KLC1: variants seen among roughly 807,000 people sequenced by gnomAD.
KLC1 encodes the protein kinesin light chain 1.
A neutral mutation model predicts 84.2 loss-of-function variants in KLC1; 30 were observed. The ratio of observed to expected loss-of-function variants is 0.36; its 90% confidence interval spans 0.27 to 0.48. The LOEUF (loss-of-function observed/expected upper bound fraction) is 0.48. Among genes scored for constraint, KLC1 ranks in the 20% least tolerant of loss-of-function variants. KLC1 has a pLI of 0.99. For missense variants in KLC1, 499 were observed against 805.4 expected, an observed-to-expected ratio of 0.62 and a Z score of 4.60; for synonymous variants, 289 against 293.3, an observed-to-expected ratio of 0.99 and a Z score of 0.15.
At chr14:103,672,925 T>G in intron 7 of KLC1, 89 bp from the exon 8 acceptor site, 2 of 1,198,470 alleles carry the variant, frequency 1.7e-6, no homozygotes, top group Non-Finnish European at 2.4e-6. Flanking sequence ...GTGCTTATGT[T>G]GAGGAAGATC....
rs763981961 is a variant in KLC1, at chr14:103,679,379, C to A, written c.1489-5C>A. Reference sequence around the variant, plus strand: ...TCAAACCATTTTCCCCTGCCTGGCTCACAGGGTCTTGACAATGTTCACAAA... The same window carrying A: ...TCAAACCATTTTCCCCTGCCTGGCTAACAGGGTCTTGACAATGTTCACAAA... On this transcript the variant is annotated splice_region_variant and splice_polypyrimidine_tract_variant and intron_variant, in intron 12 of 16. Coordinates refer to ENST00000334553, the MANE Select transcript of KLC1 (RefSeq NM_001394837.1). 6.2e-7 allele frequency: 1 copy of A among 1,613,450 alleles called. No individual in the cohort carries two copies. The highest frequency in any genetic ancestry group is 8.5e-7 in the Non-Finnish European group (1 of 1,179,862).
chr14:103,678,288 A>G (rs1272505446), intron 12 of KLC1, among the ~76,000 whole-genome samples: 2 of 151,868 alleles, frequency 1.3e-5, no homozygotes, highest in African/African-American at 2.4e-5. Context: ...ATAAAATAAA[A>G]TAGCATGAAT....
At position 103,692,418 on chromosome 14, in the gene KLC1, G is replaced by A. The variant is rs376980063; in HGVS notation, c.1841G>A (p.Arg614His). ...GTGGGTGGCAAGGCTGCTGAAGATC[G>A]CTTTCAAGTAAGGAGCCTACCCCGA... ...LNVGGKAAED[R>H]FQGVSGRASF... is the part of the protein sequence containing the mutation. The change falls in exon 15 of 17, where the codon CGC becomes CAC. Residue 614 changes from arginine (R) to histidine (H), a missense_variant. Arg to His is a conservative substitution (Grantham distance 29). This residue lies in a region of KLC1 where 167 missense variants were observed against 208.8 expected (regional missense o/e 0.80). Transcript: ENST00000334553. 6.5e-6 allele frequency: 10 copies of A among 1,536,524 alleles called. No individual in the cohort carries two copies. The Admixed American group carries it at 7.8e-5, about 12-fold the overall frequency.
chr14:103,698,847 G>C (rs200382220), intron 15 of KLC1: 5 of 1,607,420 alleles, frequency 3.1e-6, no homozygotes, highest in Non-Finnish European at 4.2e-6. Context: ...GGCACTGATC[G>C]TGTAGGAACA....
Position 103,657,587 on chromosome 14 carries a change from C to G in KLC1, c.303C>G (p.Ser101=). 6.2e-7 allele frequency: 1 copy of G among 1,614,068 alleles called. No homozygotes were observed. Among genetic ancestry groups the G allele is most frequent in the South Asian group, 1.1e-5 (1 of 91,080 alleles). ...ALSNHLNAVE[S]EKQKLRAQVR... ...CAAATCACCTGAATGCTGTGGAGTC[C>G]GAGAAGCAGAAACTGCGTGCGCAGG... Residue 101 remains serine (S), a synonymous_variant, in exon 3 of 17, where the codon TCC becomes TCG. Transcript: ENST00000334553.
At position 103,629,364 on chromosome 14, in the gene KLC1, A is replaced by C. The variant is rs1054080; in HGVS notation, c.-132A>C. Reference sequence around the variant, plus strand: ...GCGGGGCGGTAGCTCCGGCGCCCCTAGCTGGTGACTGCTGCGCCGTGCCTC... The same window carrying C: ...GCGGGGCGGTAGCTCCGGCGCCCCTCGCTGGTGACTGCTGCGCCGTGCCTC... On this transcript the variant is annotated 5_prime_UTR_variant, in exon 1 of 17. Coordinates refer to ENST00000334553, the MANE Select transcript of KLC1 (RefSeq NM_001394837.1). 0.61 allele frequency: 92,118 copies of C among 152,090 alleles called. 28,997 individuals are homozygous for C. The highest frequency in any genetic ancestry group is 0.71 in the Non-Finnish European group (48,260 of 68,090). 9.4% of individuals were successfully genotyped at this position (152,090 alleles called of 1,614,324 possible).
intron 5 of KLC1, among the ~76,000 whole-genome samples, chr14:103,664,735 G>A (rs938140497): frequency 6.0e-5 from 9 of 149,940 alleles, no homozygotes; most frequent in African/African-American, 1.7e-4. Flanking sequence ...GGCTGGTCTC[G>A]AACTCCTGGG....
chr14:103,637,588 C>T (rs2077144614), intron 1 of KLC1, among the ~76,000 whole-genome samples: 2 of 151,764 alleles, frequency 1.3e-5, no homozygotes, highest in South Asian at 4.1e-4. Context: ...TTGTTGTTGC[C>T]TAAGCAACAT....
At chr14:103,641,293 T>A (rs2151345806) in intron 1 of KLC1, among the ~76,000 whole-genome samples, 1 of 152,292 alleles carries the variant, frequency 6.6e-6, no homozygotes, top group African/African-American at 2.4e-5. Context: ...TTGTTGTACC[T>A]CAGGATCCCA....
At chr14:103,664,695 C>T (rs1291808871) in intron 5 of KLC1, among the ~76,000 whole-genome samples, 3 of 151,170 alleles carry the variant, frequency 2.0e-5, no homozygotes, top group African/African-American at 4.9e-5. Context: ...TTATATATTT[C>T]ATAGAGACAG....
intron 15 of KLC1, chr14:103,695,413 C>G (rs988102350): frequency 1.5e-5 from 15 of 984,308 alleles, no homozygotes; most frequent in Non-Finnish European, 1.6e-5. Flanking sequence ...GCCAACCCCC[C>G]CCAAAAAAAG....
At position 103,687,217 on chromosome 14, in the gene KLC1, T is replaced by C; in HGVS notation, c.1781+6T>C. On this transcript the variant is annotated splice_donor_region_variant and intron_variant, in intron 14 of 16. Transcript: ENST00000334553. ...AGTGAGCCAAAGAACCCCGGGTAAC[T>C]ATCTCTTCCAGCTCTCCCGACTCCC... is the stretch of plus-strand genomic sequence containing the variant. 1 of 1,539,294 alleles carries C rather than the reference T, an allele frequency of 6.5e-7. No individual in the cohort carries two copies. Among genetic ancestry groups the C allele is most frequent in the Non-Finnish European group, 8.8e-7 (1 of 1,139,126 alleles).
At chr14:103,678,178 G>A (rs953785068) in intron 12 of KLC1, among the ~76,000 whole-genome samples, 1 of 152,126 alleles carries the variant, frequency 6.6e-6, no homozygotes, top group Non-Finnish European at 1.5e-5. Context: ...CAGGAGAGTC[G>A]CTTGAACTCA....
chr14:103,676,928 C>A (rs2080943729), intron 11 of KLC1, among the ~76,000 whole-genome samples: 1 of 152,220 alleles, frequency 6.6e-6, no homozygotes, highest in South Asian at 2.1e-4. Flanking sequence ...TTCCCTGGTA[C>A]ATGAAGCATT....
In KLC1 at chr14:103,658,640, T is replaced by C. The variant is rs562408239; in HGVS notation, c.492+864T>C. Among the ~76,000 whole-genome samples the C allele has an allele frequency of 4.5e-4, 68 of 150,238 alleles. 2 individuals carry two copies. Among genetic ancestry groups the C allele is most frequent in the African/African-American group, 1.4e-3 (59 of 40,902 alleles). ...TCAGTTATTTTTCATTCAACATTTA[T>C]TTCTGATTCAGTTAACTTTTTTTTT... On this transcript the variant is annotated intron_variant, in intron 3 of 16. Coordinates refer to ENST00000334553, the MANE Select transcript of KLC1 (RefSeq NM_001394837.1).
At chr14:103,652,578 G>T (rs1030328719) in intron 1 of KLC1, among the ~76,000 whole-genome samples, 1 of 151,858 alleles carries the variant, frequency 6.6e-6, no homozygotes. Flanking sequence ...TGCAACTCCT[G>T]CCTCCTGGCT....
chr14:103,693,561 T>C lies in KLC1; in HGVS notation c.1848+1136T>C. 1.3e-6 allele frequency: 2 copies of C among 1,536,132 alleles called. No homozygotes were observed. The highest frequency in any genetic ancestry group is 1.7e-6 in the Non-Finnish European group (2 of 1,146,910). ...TTTGTTTTTTCATGCAGGAACGAAA[T>C]AATTGTCTGGCCGACTCGCGAGCTC... On this transcript the variant is annotated intron_variant, in intron 15 of 16. Transcript: ENST00000334553. This position sits in a 1 kb window ranked among gnomAD's most constrained non-coding sequence, Gnocchi z 5.1.
At chr14:103,698,423 G>C (rs1304606146) in intron 15 of KLC1, 1 of 324,166 alleles carries the variant, frequency 3.1e-6, no homozygotes, top group Non-Finnish European at 6.0e-6. Flanking sequence ...CCAGGGGGCA[G>C]GCCTCAGACG....
chr14:103,668,878 C>T (rs956674053), intron 5 of KLC1, among the ~76,000 whole-genome samples: 8 of 151,928 alleles, frequency 5.3e-5, no homozygotes, highest in Admixed American at 1.3e-4. Context: ...CCCAGGTTCA[C>T]GCCATTCTCC....
Sources: gnomAD v4.1 joint callset for allele counts (sites outside exome capture counted in the v4.1 genomes callset) on GRCh38, gnomAD v4.1.1 for gene constraint, gnomAD v4.1.1 regional missense constraint, Gnocchi (gnomAD v3.1) non-coding constraint, MANE v1.5 for transcripts, NCBI Gene and HGNC (gene_info 2026-07-23, HGNC 2026-07-21) for gene names.